The following CFAP54 variants were observed in gnomAD, a reference collection of about 807,000 sequenced individuals.
The protein encoded by CFAP54 is cilia- and flagella-associated protein 54.
Under a neutral mutation model 370.4 loss-of-function variants are expected in CFAP54, and 290 were observed. That is an observed-to-expected ratio of 0.78 (90% CI 0.71 to 0.86). The LOEUF (loss-of-function observed/expected upper bound fraction) is 0.86. Ranked by LOEUF, CFAP54 falls within the 40% of genes least tolerant of loss-of-function variation. The pLI, the probability that CFAP54 is intolerant of heterozygous loss-of-function variation, is 0.00. For missense variants in CFAP54, 3,399 were observed against 3,528.7 expected (o/e 0.96, Z 0.93); for synonymous variants, 1,206 against 1,236.5 (o/e 0.98, Z 0.52).
chr12:96,603,730 C>T (rs1956269441), intron 26 of CFAP54, among the ~76,000 whole-genome samples: 1 of 148,806 alleles, frequency 6.7e-6, no homozygotes, highest in African/African-American at 2.4e-5. Flanking sequence ...GATATCCTTT[C>T]TTCCACTTGA....
At chr12:96,726,256 A>C (rs886787649) in intron 50 of CFAP54, among the ~76,000 whole-genome samples, 2 of 151,884 alleles carry the variant, frequency 1.3e-5, no homozygotes, top group African/African-American at 4.8e-5. Flanking sequence ...GAATGGTACC[A>C]GTTCCTCCTT....
intron 32 of CFAP54, among the ~76,000 whole-genome samples, chr12:96,638,207 G>GTA (rs1956682732): frequency 2.6e-5 from 2 of 75,730 alleles, no homozygotes; most frequent in Admixed American, 1.7e-4. Context: ...ATATATGCAT[G>GTA]TGTGTGTGTG....
rs182821436 is a variant in CFAP54, at chr12:96,800,712, G to A, written c.8850+8213G>A. Among the ~76,000 whole-genome samples the A allele has an allele frequency of 4.3e-3, 655 of 152,286 alleles. 6 individuals carry two copies. The highest frequency in any genetic ancestry group is 0.015 in the African/African-American group (626 of 41,572). On this transcript the variant is annotated intron_variant, in intron 63 of 67. Transcript: ENST00000524981. ...AATGTTGAATAACTGGCTGAAGCTC[G>A]TGAAACCCACAAGATAATAATAAGA...
intron 66 of CFAP54, among the ~76,000 whole-genome samples, chr12:96,844,415 A>C (rs1487902838): frequency 6.6e-6 from 1 of 152,168 alleles, no homozygotes; most frequent in African/African-American, 2.4e-5. Flanking sequence ...AAGCTGAAAA[A>C]GGCAAATAAA....
intron 5 of CFAP54, among the ~76,000 whole-genome samples, chr12:96,513,442 C>G (rs1238417322): frequency 6.6e-6 from 1 of 152,098 alleles, no homozygotes; most frequent in African/African-American, 2.4e-5. Context: ...CCCACTTTTA[C>G]TAGTAAAAGT....
Position 96,576,696 on chromosome 12 carries a change from A to G in CFAP54, c.2731A>G (p.Ile911Val). 6.5e-7 allele frequency: 1 copy of G among 1,535,870 alleles called. No homozygotes were observed. The highest frequency in any genetic ancestry group is 8.7e-7 in the Non-Finnish European group (1 of 1,146,688). ...RKKSRVPPPP[I>V]LLSRTHCSVT... ...GAAAAGCAGAGTCCCCCCTCCACCT[A>G]TCCTGCTGTCTCGAACTCATTGTTC... Residue 911 changes from isoleucine (I) to valine (V), a missense_variant, in exon 20 of 68, where the codon ATC becomes GTC. This residue lies in a region of CFAP54 where 2,796 missense variants were observed against 2,869.7 expected (regional missense o/e 0.97). Coordinates refer to ENST00000524981, the MANE Select transcript of CFAP54 (RefSeq NM_001306084.2).
intron 65 of CFAP54, among the ~76,000 whole-genome samples, chr12:96,824,543 A>G (rs899093326): frequency 6.6e-6 from 1 of 152,176 alleles, no homozygotes; most frequent in Non-Finnish European, 1.5e-5. Context: ...TTGGAAATAC[A>G]GATAAATAAG....
At chr12:96,859,422 T>G (rs1366680548) in intron 66 of CFAP54, among the ~76,000 whole-genome samples, 1 of 143,770 alleles carries the variant, frequency 7.0e-6, no homozygotes. Flanking sequence ...TTGTTTTTTG[T>G]TTTTTTTTTG....
chr12:96,613,826 A>T (rs1093229), intron 26 of CFAP54, among the ~76,000 whole-genome samples: 102,558 of 152,042 alleles, frequency 0.67, 34,746 homozygotes, highest in East Asian at 0.71. Context: ...CAGGAAGAAG[A>T]TGAATCCATG....
At chr12:96,720,274 A>T in intron 49 of CFAP54, 131 bp from the exon 50 acceptor site, 2 of 749,226 alleles carry the variant, frequency 2.7e-6, no homozygotes, top group Non-Finnish European at 3.8e-6. Context: ...TCTGGTAATT[A>T]GATACCAAGT....
chr12:96,750,535 T>C (rs1958170678), intron 55 of CFAP54, among the ~76,000 whole-genome samples: 1 of 152,370 alleles, frequency 6.6e-6, no homozygotes, highest in South Asian at 2.1e-4. Context: ...AAAGTTAGGC[T>C]GACTTAATTG....
intron 43 of CFAP54, among the ~76,000 whole-genome samples, chr12:96,689,310 A>G (rs1395561417): frequency 1.3e-5 from 2 of 151,962 alleles, no homozygotes; most frequent in African/African-American, 4.8e-5. Flanking sequence ...ACAGGCGCGC[A>G]CCACCACACC....
rs114483351 is a variant in CFAP54, at chr12:96,589,309, A to G, written c.3076-118A>G. Reference sequence around the variant, plus strand: ...GCAAATGTGAATGATTGTATCTGAAATGAGCGTGTGATAGCACCTTATAAA... The same window carrying G: ...GCAAATGTGAATGATTGTATCTGAAGTGAGCGTGTGATAGCACCTTATAAA... On this transcript the variant is annotated intron_variant, in intron 22 of 67. Coordinates refer to ENST00000524981, the MANE Select transcript of CFAP54 (RefSeq NM_001306084.2). 1.2e-3 allele frequency: 957 copies of G among 809,544 alleles called. 6 individuals carry two copies. The African/African-American group carries it at 0.012, about 10-fold the overall frequency. 50.1% of individuals were successfully genotyped at this position (809,544 alleles called of 1,614,324 possible). A position where few individuals can be genotyped will look rare whatever the true frequency, so the allele number is the denominator to read the frequency against.
intron 14 of CFAP54, among the ~76,000 whole-genome samples, chr12:96,543,320 T>C (rs1301416144): frequency 1.3e-5 from 2 of 152,210 alleles, no homozygotes; most frequent in South Asian, 2.1e-4. Flanking sequence ...GGAAGCCCCA[T>C]GTAATGCATG....
Position 96,564,775 on chromosome 12 carries a change from T to G in CFAP54, c.2619+10T>G. On this transcript the variant is annotated intron_variant, in intron 19 of 67. Transcript: ENST00000524981. ...ATGGGAACTTTTGATGGTAACAGTA[T>G]TTCATTTCTTCTTTTAATCCTGACA... 1.7e-6 allele frequency: 1 copy of G among 588,232 alleles called. No individual in the cohort carries two copies. Among genetic ancestry groups the G allele is most frequent in the Non-Finnish European group, 3.0e-6 (1 of 337,102 alleles). 36.4% of individuals were successfully genotyped at this position (588,232 alleles called of 1,614,324 possible).
chr12:96,661,328 C>T (rs1392631115), intron 38 of CFAP54, among the ~76,000 whole-genome samples: 1 of 152,100 alleles, frequency 6.6e-6, no homozygotes, highest in African/African-American at 2.4e-5. Flanking sequence ...AGTTGTATGT[C>T]AAGAAACAGG....
intron 26 of CFAP54, among the ~76,000 whole-genome samples, chr12:96,603,601 G>A (rs74694727): frequency 0.088 from 13,449 of 152,250 alleles, 780 homozygotes; most frequent in Middle Eastern, 0.14. Flanking sequence ...CCAATCAGAC[G>A]TAGATCTGGT....
At chr12:96,728,511 T>G (rs1957872273) in intron 50 of CFAP54, among the ~76,000 whole-genome samples, 1 of 152,246 alleles carries the variant, frequency 6.6e-6, no homozygotes, top group Non-Finnish European at 1.5e-5. Context: ...TTCTCGACCC[T>G]TGGCTTTCAG....
At chr12:96,832,030 G>C (rs1269305256) in intron 66 of CFAP54, among the ~76,000 whole-genome samples, 1 of 152,130 alleles carries the variant, frequency 6.6e-6, no homozygotes, top group Non-Finnish European at 1.5e-5. Context: ...TGTTTCATGA[G>C]AGGAACCCAG....
Sources: gnomAD v4.1 joint callset for allele counts (sites outside exome capture counted in the v4.1 genomes callset) on GRCh38, gnomAD v4.1.1 for gene constraint, gnomAD v4.1.1 regional missense constraint, MANE v1.5 for transcripts, NCBI Gene and HGNC (gene_info 2026-07-23, HGNC 2026-07-21) for gene names.